DMXL1: variants seen among roughly 807,000 people sequenced by gnomAD.
DMXL1 encodes the protein Dmx like 1, also known as dmX-like protein 1.
A neutral mutation model predicts 319.2 loss-of-function variants in DMXL1; 99 were observed. The observed-to-expected ratio is 0.31, with a 90% CI of 0.26 to 0.37. DMXL1 has a LOEUF of 0.37. DMXL1 is among the 10% of genes least tolerant of loss of function. DMXL1 has a pLI of 1.00. For synonymous variants in DMXL1, 1,385 were observed against 1,235.2 expected (o/e 1.12, Z -2.54); for missense variants, 3,745 against 3,595.6 (o/e 1.04, Z -1.06).
At chr5:119,216,395 G>A (rs1225593480) in intron 34 of DMXL1, among the ~76,000 whole-genome samples, 1 of 152,052 alleles carries the variant, frequency 6.6e-6, no homozygotes, top group African/African-American at 2.4e-5. Flanking sequence ...ATAAATCAAA[G>A]GTTAACTACA....
chr5:119,091,462 T>C (rs142159213), intron 1 of DMXL1, among the ~76,000 whole-genome samples: 97 of 152,306 alleles, frequency 6.4e-4, no homozygotes, highest in African/African-American at 1.5e-3. Flanking sequence ...TCCTCCTGTT[T>C]TGGCCTCCCA....
At chr5:119,189,677 C>A in intron 28 of DMXL1, 31 bp from the exon 29 acceptor site, 1 of 1,598,638 alleles carries the variant, frequency 6.3e-7, no homozygotes, top group Non-Finnish European at 8.6e-7. Context: ...GAAAATAGTA[C>A]TTCAGTAACA....
At chr5:119,075,844 C>G (rs1250758622) in intron 1 of DMXL1, among the ~76,000 whole-genome samples, 1 of 151,980 alleles carries the variant, frequency 6.6e-6, no homozygotes, top group Non-Finnish European at 1.5e-5. Context: ...GGATTACAGA[C>G]GTGAGCTGCC....
rs764267576 is a variant in DMXL1 at position 119,196,354 on chromosome 5, C to T, written c.7458-17C>T. ...CTATAGAAATAGTTAACAGATCCAT[C>T]GTTGCTTTATTTTTAGTTGGTCCTT... On this transcript the variant is annotated splice_polypyrimidine_tract_variant and intron_variant, in intron 30 of 43. Coordinates refer to ENST00000539542, the MANE Select transcript of DMXL1 (RefSeq NM_001290321.3). 24 of 1,598,772 alleles carry T rather than the reference C, an allele frequency of 1.5e-5. No homozygotes were observed. Among genetic ancestry groups the T allele is most frequent in the African/African-American group, 5.4e-5 (4 of 74,582 alleles).
intron 28 of DMXL1, among the ~76,000 whole-genome samples, chr5:119,187,125 A>G (rs1777875875): frequency 1.3e-5 from 2 of 152,114 alleles, no homozygotes; most frequent in Non-Finnish European, 2.9e-5. Flanking sequence ...TTATTTTTAA[A>G]ATTTATGTCA....
rs150671113 is a variant in DMXL1, at chr5:119,148,720, C to T, written c.2912-19C>T. On this transcript the variant is annotated intron_variant, in intron 17 of 43. Coordinates refer to ENST00000539542, the MANE Select transcript of DMXL1 (RefSeq NM_001290321.3). ...TTAACCAAATTTGACATTTTGTTAA[C>T]GGATTATTTTTATTTTAGGACATCT... 1.8e-5 allele frequency: 28 copies of T among 1,584,666 alleles called. No individual in the cohort carries two copies. The highest frequency in any genetic ancestry group is 8.2e-5 in the African/African-American group (6 of 73,606).
intron 4 of DMXL1, among the ~76,000 whole-genome samples, chr5:119,108,110 C>T (rs971952556): frequency 2.6e-5 from 4 of 152,126 alleles, no homozygotes; most frequent in African/African-American, 7.2e-5. Flanking sequence ...TACCTGTAAT[C>T]CCAGCAGTTT....
chr5:119,191,553 A>T (rs1473268415), intron 29 of DMXL1, among the ~76,000 whole-genome samples: 3 of 152,168 alleles, frequency 2.0e-5, no homozygotes, highest in Admixed American at 1.3e-4. Flanking sequence ...TTTGCTGGAT[A>T]TAGGATTGTT....
At chr5:119,186,992 T>C (rs1469976309) in intron 28 of DMXL1, among the ~76,000 whole-genome samples, 1 of 151,896 alleles carries the variant, frequency 6.6e-6, no homozygotes, top group African/African-American at 2.4e-5. Flanking sequence ...AGTTAATGGG[T>C]GCAGCACACC....
intron 28 of DMXL1, among the ~76,000 whole-genome samples, chr5:119,188,543 C>T (rs528948058): frequency 3.3e-5 from 5 of 152,084 alleles, no homozygotes; most frequent in East Asian, 1.9e-4. Context: ...GGTAAACTAC[C>T]GTTTAAGTTT....
chr5:119,103,558 T>C (rs190376980), intron 3 of DMXL1, among the ~76,000 whole-genome samples: 67 of 152,304 alleles, frequency 4.4e-4, no homozygotes, highest in African/African-American at 1.5e-3. Context: ...CCTTACCTTG[T>C]GTTAATGAAA....
chr5:119,091,756 A>T (rs1300004635), intron 1 of DMXL1, among the ~76,000 whole-genome samples: 2 of 151,990 alleles, frequency 1.3e-5, no homozygotes, highest in Non-Finnish European at 2.9e-5. Flanking sequence ...GCAGAGGGGG[A>T]ATGCTGGCTA....
chr5:119,236,571 G>T (rs1208046329), intron 39 of DMXL1: 1 of 151,838 alleles, frequency 6.6e-6, no homozygotes, highest in Non-Finnish European at 1.5e-5. Context: ...ATTGTGTAGT[G>T]GTATTATTAT....
intron 1 of DMXL1, among the ~76,000 whole-genome samples, chr5:119,083,214 A>G (rs1356544505): frequency 3.9e-5 from 6 of 151,900 alleles, no homozygotes; most frequent in Non-Finnish European, 5.9e-5. Context: ...TTTAGTAGAG[A>G]TGGGTTTCGC....
intron 40 of DMXL1, 133 bp from the exon 41 acceptor site, chr5:119,238,856 G>A (rs953309542): frequency 1.2e-5 from 17 of 1,442,916 alleles, no homozygotes; most frequent in Non-Finnish European, 1.5e-5. Context: ...TTTTTCTAAA[G>A]TTCAAAGGAA....
chr5:119,197,985 T>G (rs1163773581), intron 32 of DMXL1, 29 bp downstream of exon 32: 1 of 1,605,688 alleles, frequency 6.2e-7, no homozygotes, highest in African/African-American at 1.3e-5. Flanking sequence ...GCTATTTGGG[T>G]TTTTTTGTTT....
At chr5:119,101,480 A>T (rs1757269651) in intron 2 of DMXL1, among the ~76,000 whole-genome samples, 2 of 152,352 alleles carry the variant, frequency 1.3e-5, no homozygotes, top group South Asian at 4.1e-4. Context: ...GATAAAATAG[A>T]ATATGTTTTA....
At chr5:119,177,866 A>C in intron 27 of DMXL1, 130 bp from the exon 28 acceptor site, 1 of 780,512 alleles carries the variant, frequency 1.3e-6, no homozygotes, top group Non-Finnish European at 1.9e-6. Context: ...TAGTCTGTGA[A>C]TCTAGGGAAG....
intron 31 of DMXL1, among the ~76,000 whole-genome samples, chr5:119,197,246 C>T (rs1012720214): frequency 1.3e-5 from 2 of 152,028 alleles, no homozygotes; most frequent in Admixed American, 1.3e-4. Flanking sequence ...TTTTGGCTTC[C>T]CTGGGCCACA....
Sources: allele counts gnomAD v4.1 joint callset (sites outside exome capture counted in the v4.1 genomes callset), GRCh38; gene constraint gnomAD v4.1.1; transcripts MANE v1.5; gene names NCBI Gene and HGNC (gene_info 2026-07-23, HGNC 2026-07-21).